AFF1: variants seen among roughly 807,000 people sequenced by gnomAD.
The protein encoded by AFF1 is ALF transcription elongation factor 1.
A neutral mutation model predicts 121.7 loss-of-function variants in AFF1; 48 were observed. The observed-to-expected ratio is 0.39, with a 90% CI of 0.31 to 0.50. The LOEUF (loss-of-function observed/expected upper bound fraction) is 0.50. Among genes scored for constraint, AFF1 ranks in the 20% least tolerant of loss-of-function variants. The pLI is 0.76. For missense variants in AFF1, 1,523 were observed against 1,511.7 expected (o/e 1.01, Z -0.12); for synonymous variants, 613 against 563.0 (o/e 1.09, Z -1.26).
chr4:87,072,025 GAAAT>G (rs1722112724), intron 4 of AFF1, among the ~76,000 whole-genome samples: 1 of 152,076 alleles, frequency 6.6e-6, no homozygotes, highest in African/African-American at 2.4e-5. Context: ...GACGATGAGA[GAAAT>G]AAATTGAGAT....
chr4:87,047,846 A>C (rs942023825), intron 4 of AFF1: 1 of 581,490 alleles, frequency 1.7e-6, no homozygotes, highest in Non-Finnish European at 3.1e-6. Context: ...ATTTATATAC[A>C]GTAAAACATA....
In AFF1 at chr4:87,114,447, C is replaced by A. The variant is rs776579989; in HGVS notation, c.1614C>A (p.Gly538=). The A allele has an allele frequency of 1.1e-5, 18 of 1,613,564 alleles. No individual in the cohort carries two copies. The highest frequency in any genetic ancestry group is 1.7e-5 in the Admixed American group (1 of 59,996). The change falls in exon 12 of 21, where the codon GGC becomes GGA. Residue 538 remains glycine, a synonymous_variant. Transcript: ENST00000395146. ...KVSQPAAPPE[G]PRSTEPPRRH... is the part of the protein sequence containing the mutation. ...GCCAGCCAGCTGCGCCACCAGAGGGCCCCAGGAGCACAGAGCCCCCACGGC... is the reference window on the plus strand; with the variant it reads ...GCCAGCCAGCTGCGCCACCAGAGGGACCCAGGAGCACAGAGCCCCCACGGC...
At chr4:87,038,851 G>A (rs1729826347) in intron 2 of AFF1, among the ~76,000 whole-genome samples, 1 of 152,196 alleles carries the variant, frequency 6.6e-6, no homozygotes, top group South Asian at 2.1e-4. Context: ...ATCACACTCT[G>A]TCATCCAAGA....
intron 18 of AFF1, 106 bp from the exon 19 acceptor site, chr4:87,132,165 A>AAAC: frequency 7.4e-7 from 1 of 1,358,290 alleles, no homozygotes; most frequent in East Asian, 2.4e-5. Context: ...ACTAACTCAC[A>AAAC]CAGGTGAGGC....
rs546997619 is a variant in AFF1, at chr4:87,071,048, G to A, written c.1060-13072G>A. Among the ~76,000 whole-genome samples, 16 of 152,262 alleles carry A rather than the reference G, an allele frequency of 1.1e-4. No homozygotes were observed. The South Asian group carries it at 3.3e-3, about 32-fold the overall frequency. On this transcript the variant is annotated intron_variant, in intron 4 of 20. Coordinates refer to ENST00000395146, the MANE Select transcript of AFF1 (RefSeq NM_001166693.3). ...AATTTTTTCTTTGATTGATTTGAAT[G>A]TAGGCTAGTTATACCTTTTTGGCTG...
At chr4:87,013,348 A>G (rs758964479) in intron 2 of AFF1, among the ~76,000 whole-genome samples, 1 of 152,096 alleles carries the variant, frequency 6.6e-6, no homozygotes, top group Non-Finnish European at 1.5e-5. Context: ...CTGAACTGCT[A>G]TCAAGTTCTT....
At chr4:86,973,183 G>A (rs1723063130) in intron 2 of AFF1, among the ~76,000 whole-genome samples, 1 of 152,114 alleles carries the variant, frequency 6.6e-6, no homozygotes, top group African/African-American at 2.4e-5. Context: ...TATTTCACTT[G>A]GGGCCTGTTG....
intron 2 of AFF1, among the ~76,000 whole-genome samples, chr4:86,965,991 G>A (rs1000793027): frequency 2.0e-5 from 3 of 151,914 alleles, no homozygotes; most frequent in Admixed American, 6.6e-5. Context: ...ATTGATTCAG[G>A]GAATGAATGT....
intron 2 of AFF1, among the ~76,000 whole-genome samples, chr4:86,976,161 T>C (rs1292490278): frequency 6.6e-6 from 1 of 152,000 alleles, no homozygotes; most frequent in African/African-American, 2.4e-5. Flanking sequence ...TGGAAGGATG[T>C]GGGGAGGGTT....
Position 86,948,363 on chromosome 4 carries a change from G to T in AFF1, c.-36-135G>T, listed in dbSNP as rs139085895. 144 of 569,684 alleles carry T rather than the reference G, an allele frequency of 2.5e-4. 1 individual carries two copies. In the East Asian group the frequency reaches 3.3e-3, roughly 13 times the overall value. 35.3% of individuals were successfully genotyped at this position (569,684 alleles called of 1,614,324 possible). A position where few individuals can be genotyped will look rare whatever the true frequency, so the allele number is the denominator to read the frequency against. ...CTAGATAGTTTGTTCATACAACTTG[G>T]GAATTGGAGAACCATTTTCTAATTC... On this transcript the variant is annotated intron_variant, in intron 1 of 20. Coordinates refer to ENST00000395146, the MANE Select transcript of AFF1 (RefSeq NM_001166693.3).
chr4:87,062,739 T>C (rs1720908098), intron 4 of AFF1, among the ~76,000 whole-genome samples: 1 of 124,172 alleles, frequency 8.1e-6, no homozygotes, highest in Admixed American at 7.5e-5. Context: ...CTTAGTTAGA[T>C]AGAAAACTCA....
chr4:87,076,735 T>A (rs1002189863), intron 4 of AFF1, among the ~76,000 whole-genome samples: 1 of 152,240 alleles, frequency 6.6e-6, no homozygotes, highest in Non-Finnish European at 1.5e-5. Context: ...AAAAAATGTT[T>A]ATCCTAAAAT....
intron 6 of AFF1, among the ~76,000 whole-genome samples, chr4:87,091,201 A>G (rs1486730103): frequency 6.6e-6 from 1 of 151,848 alleles, no homozygotes; most frequent in Non-Finnish European, 1.5e-5. Context: ...TCAGGAGATC[A>G]AGACCATCCT....
intron 2 of AFF1, among the ~76,000 whole-genome samples, chr4:86,948,836 T>C (rs143002506): frequency 6.6e-5 from 10 of 152,318 alleles, no homozygotes; most frequent in African/African-American, 2.4e-4. Context: ...ATCAGCATTC[T>C]AATGCTGTGT....
chr4:86,961,731 G>A (rs1028376065), intron 2 of AFF1, among the ~76,000 whole-genome samples: 1 of 152,060 alleles, frequency 6.6e-6, no homozygotes, highest in Non-Finnish European at 1.5e-5. Context: ...TTGCGTTTCA[G>A]AGCCCTTTTC....
intron 2 of AFF1, among the ~76,000 whole-genome samples, chr4:86,960,140 A>G (rs1168563741): frequency 3.9e-5 from 6 of 152,126 alleles, no homozygotes; most frequent in Admixed American, 3.3e-4. Flanking sequence ...AGGGTTTCCT[A>G]GTGGTGAGCA....
chr4:86,988,452 T>C (rs1009552925), intron 2 of AFF1, among the ~76,000 whole-genome samples: 10 of 152,024 alleles, frequency 6.6e-5, no homozygotes. Context: ...TTCTTAAGAC[T>C]GTGAAACTGT....
At position 86,970,812 on chromosome 4, in the gene AFF1, G is replaced by C. The variant is rs78486457; in HGVS notation, c.38+22241G>C. On this transcript the variant is annotated intron_variant, in intron 2 of 20. Coordinates refer to ENST00000395146, the MANE Select transcript of AFF1 (RefSeq NM_001166693.3). ...GGGGTGGAGGGAACTTTGCAGGCGA[G>C]GGGGAGCTTGTGCATAGGCCCTGAG... 6.2e-3 allele frequency among the ~76,000 whole-genome samples: 940 copies of C among 152,286 alleles called. 6 individuals are homozygous for C. Among genetic ancestry groups the C allele is most frequent in the African/African-American group, 0.021 (890 of 41,544 alleles).
At chr4:87,121,392 T>A (rs1727674431) in intron 12 of AFF1, among the ~76,000 whole-genome samples, 1 of 152,222 alleles carries the variant, frequency 6.6e-6, no homozygotes, top group African/African-American at 2.4e-5. Flanking sequence ...ATGGCTCCCA[T>A]GTTAATGACC....
Sources: allele counts gnomAD v4.1 joint callset (sites outside exome capture counted in the v4.1 genomes callset), GRCh38; gene constraint gnomAD v4.1.1; transcripts MANE v1.5; gene names NCBI Gene and HGNC (gene_info 2026-07-23, HGNC 2026-07-21).